The following FAT1 variants were observed in gnomAD, a reference collection of about 807,000 sequenced individuals.
FAT1 encodes the protein protocadherin Fat 1.
A neutral mutation model predicts 329.8 loss-of-function variants in FAT1; 171 were observed. The ratio of observed to expected loss-of-function variants is 0.52; its 90% confidence interval spans 0.46 to 0.59. The LOEUF (loss-of-function observed/expected upper bound fraction) is 0.59, where lower values mean the gene tolerates loss of function less well. FAT1 is among the 20% of genes least tolerant of loss of function. The pLI, the probability that FAT1 is intolerant of heterozygous loss-of-function variation, is 0.00. For synonymous variants in FAT1, 2,233 were observed against 2,228.6 expected (o/e 1.00, Z -0.06); for missense variants, 5,672 against 5,774.4 (o/e 0.98, Z 0.57).
At chr4:186,692,609 C>G (rs1054777495) in intron 2 of FAT1, among the ~76,000 whole-genome samples, 1 of 152,152 alleles carries the variant, frequency 6.6e-6, no homozygotes, top group African/African-American at 2.4e-5. Context: ...TAAAACTTTT[C>G]CATTTAAGCT....
intron 13 of FAT1, among the ~76,000 whole-genome samples, chr4:186,612,056 G>A (rs776944470): frequency 1.3e-5 from 2 of 150,180 alleles, no homozygotes; most frequent in South Asian, 2.1e-4. Context: ...TGATCCACCC[G>A]CCTCGGCCTC....
rs1279484068 is a variant in FAT1 at position 186,708,001 on chromosome 4, T to C, written c.1827A>G (p.Gly609=). ...TTAAACTAAAGAAATCCAGTTCATT[T>C]CCAGCTTCAATCTGATACTGTACCA... ...LQLVQYQIEA[G]NELDFFSLNP... Residue 609 remains glycine (G), a synonymous_variant, in exon 2 of 27, where the codon GGA becomes GGG. Coordinates refer to ENST00000441802, the MANE Select transcript of FAT1 (RefSeq NM_005245.4). 1 of 1,613,824 alleles carries C rather than the reference T, an allele frequency of 6.2e-7. No individual in the cohort carries two copies. Among genetic ancestry groups the C allele is most frequent in the Non-Finnish European group, 8.5e-7 (1 of 1,179,882 alleles).
At position 186,707,660 on chromosome 4, in the gene FAT1, C is replaced by G. The variant is rs2126690330; in HGVS notation, c.2168G>C (p.Gly723Ala). 6.2e-7 allele frequency: 1 copy of G among 1,613,952 alleles called. No homozygotes were observed. Among genetic ancestry groups the G allele is most frequent in the Non-Finnish European group, 8.5e-7 (1 of 1,179,898 alleles). Residue 723 changes from glycine to alanine, a missense_variant, in exon 2 of 27, where the codon GGT becomes GCT. By Grantham distance (60) the Gly-to-Ala change is moderately conservative. Around this residue, in one of 2 missense-constraint regions of FAT1, gnomAD observed 3,966 missense variants for 3,915.2 expected, o/e 1.01. Coordinates refer to ENST00000441802, the MANE Select transcript of FAT1 (RefSeq NM_005245.4). ...AGGCTGGTTTTCCTTTACCTGAATA[C>G]CAGTCGGAAGAGTGCTTCTAAACTG... ...IPQFRSTLPT[G>A]IQVKENQPVG... is the part of the protein sequence containing the mutation.
Position 186,588,497 on chromosome 4 carries a change from A to G in FAT1, c.*95T>C. ...GCAGCCATGCCCATTCGGCTCACCA[A>G]AAAAAGCTTGGAAGCACTGCTGCAA... On this transcript the variant is annotated 3_prime_UTR_variant, in exon 27 of 27. Coordinates refer to ENST00000441802, the MANE Select transcript of FAT1 (RefSeq NM_005245.4). 2.1e-6 allele frequency: 3 copies of G among 1,461,382 alleles called. No homozygotes were observed. The highest frequency in any genetic ancestry group is 2.8e-5 in the South Asian group (2 of 71,388). 90.5% of individuals were successfully genotyped at this position (1,461,382 alleles called of 1,614,324 possible).
intron 2 of FAT1, among the ~76,000 whole-genome samples, chr4:186,674,161 T>C (rs1031527383): frequency 1.3e-5 from 2 of 152,230 alleles, no homozygotes; most frequent in African/African-American, 4.8e-5. Flanking sequence ...TATTGTTTAA[T>C]CTTCACAATT....
At position 186,619,740 on chromosome 4, in the gene FAT1, C is replaced by T. The variant is rs1001910735; in HGVS notation, c.6846G>A (p.Val2282=). The T allele has an allele frequency of 6.2e-7, 1 of 1,613,878 alleles. No individual in the cohort carries two copies. Among genetic ancestry groups the T allele is most frequent in the African/African-American group, 1.3e-5 (1 of 74,914 alleles). Residue 2282 remains valine, a synonymous_variant, in exon 10 of 27, where the codon GTG becomes GTA. Transcript: ENST00000441802. ...TCACCGCATAAGACTGCTGAGCAAA[C>T]ACAGGAGGGTTATCATTGATGTCGT... ...IVDDINDNPP[V]FAQQSYAVTL...
chr4:186,603,116 G>T lies in FAT1; in HGVS notation c.11350+60C>A, dbSNP rs538055982. On this transcript the variant is annotated intron_variant, in intron 19 of 26. Transcript: ENST00000441802. Reference sequence around the variant, plus strand: ...CACCTTTCATGTATAGCCATCAAAGGCTTCAAAGGCCGTCTGAAACCATCT... The same window carrying T: ...CACCTTTCATGTATAGCCATCAAAGTCTTCAAAGGCCGTCTGAAACCATCT... 6.7e-5 allele frequency: 107 copies of T among 1,607,926 alleles called. 1 individual carries two copies. In the South Asian group the frequency reaches 1.0e-3, roughly 15 times the overall value.
chr4:186,699,380 A>G (rs1024694859), intron 2 of FAT1, among the ~76,000 whole-genome samples: 1 of 152,220 alleles, frequency 6.6e-6, no homozygotes, highest in African/African-American at 2.4e-5. Context: ...AGGTTGAGCC[A>G]CTCGGAGGCC....
chr4:186,596,033 A>T lies in FAT1; in HGVS notation c.13001-207T>A, dbSNP rs1371990570. Among the ~76,000 whole-genome samples the T allele has an allele frequency of 1.3e-5, 2 of 152,196 alleles. No individual in the cohort carries two copies. The highest frequency in any genetic ancestry group is 2.9e-5 in the Non-Finnish European group (2 of 68,030). ...GAAAGACCTCCACATCATCTTAGAG[A>T]TTATTCATAGAGTAGAAATCGCCCA... On this transcript the variant is annotated intron_variant, in intron 25 of 26. Coordinates refer to ENST00000441802, the MANE Select transcript of FAT1 (RefSeq NM_005245.4). The surrounding 1 kb of genome is among the most constrained non-coding windows in gnomAD (Gnocchi z 4.7).
chr4:186,695,802 C>CACAT (rs955424062), intron 2 of FAT1, among the ~76,000 whole-genome samples: 4 of 146,808 alleles, frequency 2.7e-5, no homozygotes, highest in African/African-American at 1.0e-4. Flanking sequence ...CACACACACA[C>CACAT]ATTTTTGAGA....
At position 186,708,129 on chromosome 4, in the gene FAT1, G is replaced by A. The variant is rs1744736170; in HGVS notation, c.1699C>T (p.Pro567Ser). 6.2e-7 allele frequency: 1 copy of A among 1,613,906 alleles called. No homozygotes were observed. The highest frequency in any genetic ancestry group is 8.5e-7 in the Non-Finnish European group (1 of 1,179,892). The change falls in exon 2 of 27, where the codon CCT (proline) becomes TCT (serine). Residue 567 changes from proline (P) to serine (S), a missense_variant. By Grantham distance (74) the Pro-to-Ser change is moderately conservative. Around this residue, in one of 2 missense-constraint regions of FAT1, gnomAD observed 3,966 missense variants for 3,915.2 expected, o/e 1.01. Coordinates refer to ENST00000441802, the MANE Select transcript of FAT1 (RefSeq NM_005245.4). ...TCACAATTTATTTTCTCAAACAAAG[G>A]TGTGTTGTCATTCAAGTTATTGAGA... ...ITLNNLNDNT[P>S]LFEKINCEGT...
At position 186,601,266 on chromosome 4, in the gene FAT1, T is replaced by C. The variant is rs1738801174; in HGVS notation, c.11640+3A>G. On this transcript the variant is annotated splice_donor_region_variant and intron_variant, in intron 21 of 26. Transcript: ENST00000441802. ...TAAGATGCAACGCTGTGGAGAAACA[T>C]ACCTCCAAGATGCTATAGTCAGTTC... is the stretch of plus-strand genomic sequence containing the variant. 2 of 1,568,436 alleles carry C rather than the reference T, an allele frequency of 1.3e-6. No individual in the cohort carries two copies. The highest frequency in any genetic ancestry group is 1.3e-5 in the African/African-American group (1 of 74,474).
chr4:186,689,371 T>C (rs1436824548), intron 2 of FAT1, among the ~76,000 whole-genome samples: 1 of 152,224 alleles, frequency 6.6e-6, no homozygotes, highest in African/African-American at 2.4e-5. Flanking sequence ...TACTCGGAAT[T>C]TTACAAAAGC....
intron 16 of FAT1, among the ~76,000 whole-genome samples, chr4:186,607,159 C>CA (rs1243011148): frequency 6.6e-6 from 1 of 152,208 alleles, no homozygotes; most frequent in East Asian, 1.9e-4. Flanking sequence ...TATCTCCCCC[C>CA]AAATTCCTTT....
intron 2 of FAT1, among the ~76,000 whole-genome samples, chr4:186,688,654 C>A (rs796895196): frequency 4.7e-5 from 1 of 21,230 alleles, no homozygotes; most frequent in African/African-American, 3.9e-4. Flanking sequence ...ACCCCCCCCG[C>A]CCCCCCCCAA....
chr4:186,620,070 G>T lies in FAT1; in HGVS notation c.6516C>A (p.Ile2172=), dbSNP rs1445532443. ...CAGGCATGGCTTTATTCATGACAGT[G>T]ATCGGAACGATAACTTCCGCTGAAA... ...PAFSAEVIVP[I]TVMNKAMPVF... is the part of the protein sequence containing the mutation. The change falls in exon 10 of 27, where the codon ATC becomes ATA. Residue 2172 remains isoleucine, a synonymous_variant. Transcript: ENST00000441802. 1.2e-6 allele frequency: 2 copies of T among 1,613,878 alleles called. No individual in the cohort carries two copies. The highest frequency in any genetic ancestry group is 1.7e-5 in the Admixed American group (1 of 60,010).
At chr4:186,660,334 A>G (rs562669641) in intron 3 of FAT1, among the ~76,000 whole-genome samples, 1 of 152,200 alleles carries the variant, frequency 6.6e-6, no homozygotes, top group Non-Finnish European at 1.5e-5. Context: ...GGGGGAAGAG[A>G]AGCATCTAGA....
At chr4:186,653,006 G>C (rs1052299668) in intron 3 of FAT1, among the ~76,000 whole-genome samples, 1 of 152,066 alleles carries the variant, frequency 6.6e-6, no homozygotes, top group African/African-American at 2.4e-5. Context: ...CTAAATACAG[G>C]ATTTTACATG....
intron 4 of FAT1, among the ~76,000 whole-genome samples, chr4:186,638,682 C>T (rs748003541): frequency 1.3e-5 from 2 of 151,510 alleles, no homozygotes; most frequent in African/African-American, 2.4e-5. Context: ...TATTTACTGA[C>T]AACGTTAAGA....
Sources: gnomAD v4.1 joint callset for allele counts (sites outside exome capture counted in the v4.1 genomes callset) on GRCh38, gnomAD v4.1.1 for gene constraint, gnomAD v4.1.1 regional missense constraint, Gnocchi (gnomAD v3.1) non-coding constraint, MANE v1.5 for transcripts, NCBI Gene and HGNC (gene_info 2026-07-23, HGNC 2026-07-21) for gene names.